The following RP1 variants were observed in gnomAD, a reference collection of about 807,000 sequenced individuals.
RP1 encodes oxygen-regulated protein 1.
RP1 carries 16 observed loss-of-function variants against 14.8 expected under a neutral mutation model. The ratio of observed to expected loss-of-function variants is 1.08; its 90% confidence interval spans 0.73 to 1.65. The LOEUF (loss-of-function observed/expected upper bound fraction) is 1.65. Among genes scored for constraint, RP1 ranks in the 40% most tolerant of loss-of-function variants. The pLI, the probability that RP1 is intolerant of heterozygous loss-of-function variation, is 0.00. For missense variants in RP1, 2,631 were observed against 2,535.0 expected (o/e 1.04, Z -0.81); for synonymous variants, 876 against 883.6 (o/e 0.99, Z 0.15).
At chr8:54,602,429 T>G (rs1484619507) in intron 1 of RP1, among the ~76,000 whole-genome samples, 1 of 152,232 alleles carries the variant, frequency 6.6e-6, no homozygotes, top group African/African-American at 2.4e-5. Flanking sequence ...CTTGATCCAG[T>G]CTATCATTGT....
intron 7 of RP1, among the ~76,000 whole-genome samples, chr8:54,665,808 T>C (rs1807003476): frequency 6.6e-6 from 1 of 152,142 alleles, no homozygotes; most frequent in South Asian, 2.1e-4. Context: ...GCTTGTTCTG[T>C]CACCGCCTGG....
chr8:54,787,820 G>A (rs1374507474), intron 24 of RP1, among the ~76,000 whole-genome samples: 1 of 152,114 alleles, frequency 6.6e-6, no homozygotes, highest in African/African-American at 2.4e-5. Flanking sequence ...TTTTGCCTTT[G>A]TAAAAACAAT....
At chr8:54,833,315 T>C (rs1811577396) in intron 24 of RP1, among the ~76,000 whole-genome samples, 1 of 151,928 alleles carries the variant, frequency 6.6e-6, no homozygotes, top group Admixed American at 6.6e-5. Flanking sequence ...AATATAGATA[T>C]TGGCTATTTT....
At chr8:54,693,885 C>T (rs890984259) in intron 12 of RP1, among the ~76,000 whole-genome samples, 1 of 152,092 alleles carries the variant, frequency 6.6e-6, no homozygotes, top group Non-Finnish European at 1.5e-5. Flanking sequence ...CAGGGCATCC[C>T]TGTCTCGTGC....
At chr8:54,788,401 C>T (rs1178272636) in intron 24 of RP1, among the ~76,000 whole-genome samples, 1 of 152,158 alleles carries the variant, frequency 6.6e-6, no homozygotes, top group Admixed American at 6.6e-5. Context: ...TTTGGCATAA[C>T]TCTGTATGAC....
At chr8:54,795,854 G>C (rs1810565551) in intron 24 of RP1, among the ~76,000 whole-genome samples, 2 of 152,012 alleles carry the variant, frequency 1.3e-5, no homozygotes, top group Non-Finnish European at 1.5e-5. Context: ...TGTTTTTCCT[G>C]TTCTAAATGT....
intron 22 of RP1, among the ~76,000 whole-genome samples, chr8:54,762,646 A>G (rs1809667612): frequency 6.6e-6 from 1 of 152,180 alleles, no homozygotes; most frequent in East Asian, 1.9e-4. Context: ...TAGTATTTAT[A>G]TTAGCTTCCT....
intron 12 of RP1, chr8:54,696,786 T>C: frequency 2.8e-6 from 2 of 726,186 alleles, no homozygotes; most frequent in Non-Finnish European, 5.0e-6. Context: ...AACCTAAAAA[T>C]GCCACGTATA....
At chr8:54,822,559 A>T (rs1278713457) in intron 24 of RP1, among the ~76,000 whole-genome samples, 1 of 152,200 alleles carries the variant, frequency 6.6e-6, no homozygotes, top group Non-Finnish European at 1.5e-5. Flanking sequence ...TATTTTATGG[A>T]TATTTTGAAT....
chr8:54,639,283 T>C (rs1806413105), intron 3 of RP1, among the ~76,000 whole-genome samples: 1 of 152,230 alleles, frequency 6.6e-6, no homozygotes, highest in African/African-American at 2.4e-5. Flanking sequence ...GAGTGGTATT[T>C]CATTGTATGT....
At chr8:54,656,900 AT>A (rs1419986319) in intron 6 of RP1, among the ~76,000 whole-genome samples, 1 of 151,754 alleles carries the variant, frequency 6.6e-6, no homozygotes, top group Non-Finnish European at 1.5e-5. Context: ...TGATGTTTTA[AT>A]TTTCTGAATA....
intron 3 of RP1, among the ~76,000 whole-genome samples, chr8:54,648,547 T>C (rs1806592303): frequency 6.6e-6 from 1 of 152,134 alleles, no homozygotes; most frequent in South Asian, 2.1e-4. Flanking sequence ...TTAATTATTA[T>C]ATAAATTTTT....
chr8:54,613,214 C>G (rs1805637870), upstream of RP1, among the ~76,000 whole-genome samples: 1 of 152,154 alleles, frequency 6.6e-6, no homozygotes, highest in South Asian at 2.1e-4. Context: ...AATAATTTAA[C>G]TTCATCAGAA....
At chr8:54,858,803 T>C (rs1360377467) in intron 27 of RP1, among the ~76,000 whole-genome samples, 1 of 152,084 alleles carries the variant, frequency 6.6e-6, no homozygotes, top group East Asian at 1.9e-4. Flanking sequence ...TGTAGAGCAG[T>C]GTCACTGTAG....
At chr8:54,732,357 T>A (rs749316853) in intron 17 of RP1, among the ~76,000 whole-genome samples, 1 of 152,208 alleles carries the variant, frequency 6.6e-6, no homozygotes, top group Non-Finnish European at 1.5e-5. Context: ...ATGAAGGTAT[T>A]TGAATATTTG....
chr8:54,863,576 A>G (rs941756493), intron 27 of RP1, among the ~76,000 whole-genome samples: 2 of 152,306 alleles, frequency 1.3e-5, no homozygotes, highest in East Asian at 1.9e-4. Flanking sequence ...TCTTTTCCGT[A>G]TGGATCATCA....
At position 54,629,914 on chromosome 8, in the gene RP1, A is replaced by C; in HGVS notation, c.6032A>C (p.Asn2011Thr). 1 of 1,613,918 alleles carries C rather than the reference A, an allele frequency of 6.2e-7. No homozygotes were observed. Reference sequence around the variant, plus strand: ...AAAAGAAGAAAACAAAAAAGAATTAACTTCTTGGGGTTAGAGGAAGAAGGT... The same window carrying C: ...AAAAGAAGAAAACAAAAAAGAATTACCTTCTTGGGGTTAGAGGAAGAAGGT... ...MGKRRKQKRI[N>T]FLGLEEEGNL... The change falls in exon 4 of 4, where the codon AAC becomes ACC. Residue 2011 changes from asparagine to threonine, a missense_variant. Physicochemically the swap from Asn to Thr is moderately conservative, Grantham distance 65. Coordinates refer to ENST00000220676, the MANE Select transcript of RP1 (RefSeq NM_006269.2).
At chr8:54,684,229 A>C (rs1807502173) in intron 12 of RP1, among the ~76,000 whole-genome samples, 1 of 151,704 alleles carries the variant, frequency 6.6e-6, no homozygotes, top group South Asian at 2.1e-4. Flanking sequence ...TTTATTGACG[A>C]TTTTTGCATC....
Position 54,625,507 on chromosome 8 carries a change from C to A in RP1, c.1625C>A (p.Ser542Ter). The A allele has an allele frequency of 6.2e-7, 1 of 1,613,870 alleles. No homozygotes were observed. The highest frequency in any genetic ancestry group is 1.1e-5 in the South Asian group (1 of 91,006). The change falls in exon 4 of 4, where the codon TCA (serine) becomes TAA (stop). Residue 542 changes from serine to a stop codon, truncating the protein, a stop_gained. Coordinates refer to ENST00000220676, the MANE Select transcript of RP1 (RefSeq NM_006269.2). LOFTEE classifies it low-confidence loss of function (END_TRUNC). Reference sequence around the variant, plus strand: ...AAAAAGGAAAACAGTCTGCTTAAGTCAAGTGCAATAAGTGCTGGTGTTATA... The same window carrying A: ...AAAAAGGAAAACAGTCTGCTTAAGTAAAGTGCAATAAGTGCTGGTGTTATA... Reference protein sequence around the residue: ...ERKKENSLLKSSAISAGVIEI... With the variant: ...ERKKENSLLK
Sources: allele counts gnomAD v4.1 joint callset (sites outside exome capture counted in the v4.1 genomes callset), GRCh38; gene constraint gnomAD v4.1.1; transcripts MANE v1.5; gene names NCBI Gene and HGNC (gene_info 2026-07-23, HGNC 2026-07-21).